Variants in PCDHA1 observed in about 807,000 individuals in gnomAD.
The protein encoded by PCDHA1 is protocadherin alpha-1.
In PCDHA1, 42 loss-of-function variants were observed where a neutral mutation model predicts 61.3. The observed-to-expected ratio is 0.69, with a 90% CI of 0.54 to 0.89. The LOEUF is 0.89. Ranked by LOEUF, PCDHA1 falls within the 40% of genes least tolerant of loss-of-function variation. The probability of loss-of-function intolerance (pLI) is 0.00; values close to 1 mark genes in which losing one functional copy is unlikely to be tolerated. For synonymous variants in PCDHA1, 610 were observed against 553.8 expected (o/e 1.10, Z -1.43); for missense variants, 1,256 against 1,235.3 (o/e 1.02, Z -0.25).
chr5:140,840,849 C>G (rs1369023215), intron 1 of PCDHA1, among the ~76,000 whole-genome samples: 2 of 151,942 alleles, frequency 1.3e-5, no homozygotes, highest in Non-Finnish European at 2.9e-5. Context: ...TGCATTTCTT[C>G]CACACGAAAC....
chr5:140,919,666 A>G (rs1247598579), intron 1 of PCDHA1, among the ~76,000 whole-genome samples: 1 of 152,154 alleles, frequency 6.6e-6, no homozygotes. Context: ...TATATATTTT[A>G]GCTTATTGGT....
chr5:140,825,779 T>C (rs1474440302), intron 1 of PCDHA1: 1 of 152,494 alleles, frequency 6.6e-6, no homozygotes, highest in Non-Finnish European at 1.5e-5. Context: ...CAAATTCTAC[T>C]ATATTTTGGT....
intron 1 of PCDHA1, chr5:140,821,907 T>C: frequency 6.2e-7 from 1 of 1,614,212 alleles, no homozygotes; most frequent in Non-Finnish European, 8.5e-7. Context: ...GAACCTTCGT[T>C]GGCCGCATCG....
intron 3 of PCDHA1, among the ~76,000 whole-genome samples, chr5:140,999,046 T>C (rs2097844534): frequency 6.6e-6 from 1 of 152,228 alleles, no homozygotes; most frequent in South Asian, 2.1e-4. Flanking sequence ...CAGTGTGCTT[T>C]CCACCATGCC....
intron 1 of PCDHA1, among the ~76,000 whole-genome samples, chr5:140,940,000 G>A (rs1442780881): frequency 6.6e-6 from 1 of 152,080 alleles, no homozygotes; most frequent in Non-Finnish European, 1.5e-5. Context: ...CTTGGATTTT[G>A]TCAATTTTTT....
intron 1 of PCDHA1, chr5:140,803,401 G>C (rs782279690): frequency 6.2e-7 from 1 of 1,614,224 alleles, no homozygotes; most frequent in South Asian, 1.1e-5. Flanking sequence ...TGTGGGCCGG[G>C]CAAGCCCACG....
intron 1 of PCDHA1, chr5:140,884,085 G>A (rs1181483962): frequency 6.2e-7 from 1 of 1,613,484 alleles, no homozygotes; most frequent in Non-Finnish European, 8.5e-7. Flanking sequence ...TACAATGCGT[G>A]GCTTTCGTAT....
chr5:140,830,233 G>C, intron 1 of PCDHA1: 1 of 1,613,906 alleles, frequency 6.2e-7, no homozygotes, highest in Non-Finnish European at 8.5e-7. Flanking sequence ...TGGTCCTCAC[G>C]CTACTGCTGT....
At chr5:140,797,166 A>C (rs1762192604) in intron 1 of PCDHA1, 1 of 1,614,054 alleles carries the variant, frequency 6.2e-7, no homozygotes, top group Non-Finnish European at 8.5e-7. Context: ...CGCGCGCGCC[A>C]GGAAAGCCCA....
rs187680387 is a variant in PCDHA1 at position 140,827,841 on chromosome 5, T to C, written c.2394+39157T>C. 68 of 458,788 alleles carry C rather than the reference T, an allele frequency of 1.5e-4. No homozygotes were observed. The East Asian group carries it at 2.3e-3, about 16-fold the overall frequency. The allele number at this position is 458,788 out of a possible 1,614,324, so 28.4% of individuals were successfully genotyped here. A position where few individuals can be genotyped will look rare whatever the true frequency, so the allele number is the denominator to read the frequency against. ...TACTATAAAAGTAGAGAAAAGAAGATACTGTTTTAAAAATATATGGTATAG... is the reference window on the plus strand; with the variant it reads ...TACTATAAAAGTAGAGAAAAGAAGACACTGTTTTAAAAATATATGGTATAG... On this transcript the variant is annotated intron_variant, in intron 1 of 3. Transcript: ENST00000504120.
intron 1 of PCDHA1, chr5:140,809,039 G>T (rs782455641): frequency 1.2e-6 from 2 of 1,613,744 alleles, no homozygotes; most frequent in African/African-American, 1.3e-5. Context: ...GACTGGTGGC[G>T]CGCGCATCCC....
At chr5:140,955,130 T>A (rs1173088504) in intron 1 of PCDHA1, among the ~76,000 whole-genome samples, 1 of 152,228 alleles carries the variant, frequency 6.6e-6, no homozygotes, top group African/African-American at 2.4e-5. Context: ...TCCACTGGTC[T>A]ACACGTCTGT....
rs75203598 is a variant in PCDHA1, at chr5:140,915,428, C to T, written c.2395-63521C>T. 8.0e-3 allele frequency among the ~76,000 whole-genome samples: 1,217 copies of T among 152,162 alleles called. 6 individuals are homozygous for T. The highest frequency in any genetic ancestry group is 0.019 in the African/African-American group (786 of 41,514). On this transcript the variant is annotated intron_variant, in intron 1 of 3. Transcript: ENST00000504120. The stretch of plus-strand genomic sequence containing the variant: ...TCTTTGCAGTCTGGGCTTGTTTATC[C>T]CTGTCCTTCTTGAGAAGGTTTTCCA...
At chr5:140,876,968 T>C (rs782613091) in intron 1 of PCDHA1, 1 of 1,608,986 alleles carries the variant, frequency 6.2e-7, no homozygotes, top group Non-Finnish European at 8.5e-7. Context: ...GAGCGGCGGG[T>C]GGGCGAGCAC....
chr5:140,787,883 G>A lies in PCDHA1; in HGVS notation c.1593G>A (p.Leu531=). Residue 531 remains leucine, a synonymous_variant, in exon 1 of 4, where the codon CTG becomes CTA. Transcript: ENST00000504120. ...QPLDHEELEL[L]QFQVSARDAG... is the part of the protein sequence containing the mutation. ...TGGACCACGAGGAGCTGGAGCTGCTGCAGTTCCAGGTGAGCGCGCGGGATG... is the reference window on the plus strand; with the variant it reads ...TGGACCACGAGGAGCTGGAGCTGCTACAGTTCCAGGTGAGCGCGCGGGATG... 6.2e-7 allele frequency: 1 copy of A among 1,613,328 alleles called. No individual in the cohort carries two copies. Among genetic ancestry groups the A allele is most frequent in the Non-Finnish European group, 8.5e-7 (1 of 1,179,804 alleles).
intron 1 of PCDHA1, among the ~76,000 whole-genome samples, chr5:140,965,456 G>A (rs2095902676): frequency 6.6e-6 from 1 of 151,710 alleles, no homozygotes; most frequent in Admixed American, 6.6e-5. Context: ...GTTATTGTAA[G>A]ATAAATCCCA....
At chr5:140,893,273 A>G (rs1381847994) in intron 1 of PCDHA1, among the ~76,000 whole-genome samples, 1 of 152,150 alleles carries the variant, frequency 6.6e-6, no homozygotes, top group Non-Finnish European at 1.5e-5. Context: ...CAATAGTGGA[A>G]TTGCTGGATG....
intron 1 of PCDHA1, chr5:140,794,976 T>C: frequency 6.2e-7 from 1 of 1,608,830 alleles, no homozygotes; most frequent in African/African-American, 1.3e-5. Context: ...TGGCGTCTTC[T>C]ATCAGAAGGG....
chr5:140,883,098 T>C lies in PCDHA1; in HGVS notation c.2394+94414T>C, dbSNP rs369154076. 21 of 1,614,014 alleles carry C rather than the reference T, an allele frequency of 1.3e-5. No homozygotes were observed. In the East Asian group the frequency reaches 4.0e-4, roughly 31 times the overall value. On this transcript the variant is annotated intron_variant, in intron 1 of 3. Coordinates refer to ENST00000504120, the MANE Select transcript of PCDHA1 (RefSeq NM_018900.4). ...CCTGATGATGGTACAAATGGAGATA[T>C]AGTTTACTCATTTAGAAGGCCTGTA... is the stretch of plus-strand genomic sequence containing the variant.
Sources: allele counts gnomAD v4.1 joint callset (sites outside exome capture counted in the v4.1 genomes callset), GRCh38; gene constraint gnomAD v4.1.1; transcripts MANE v1.5; gene names NCBI Gene and HGNC (gene_info 2026-07-23, HGNC 2026-07-21).